The following ADIPOR2 variants were observed in gnomAD, a reference collection of about 807,000 sequenced individuals.
ADIPOR2 encodes the protein adiponectin receptor protein 2.
Under a neutral mutation model 40.9 loss-of-function variants are expected in ADIPOR2, and 18 were observed. The ratio of observed to expected loss-of-function variants is 0.44; its 90% CI spans 0.30 to 0.65. The LOEUF (loss-of-function observed/expected upper bound fraction) is 0.65, where lower values mean the gene tolerates loss of function less well. ADIPOR2 is among the 30% of genes least tolerant of loss of function. ADIPOR2 has a pLI of 0.09. For missense variants in ADIPOR2, 283 were observed against 479.2 expected, an observed-to-expected ratio of 0.59 and a Z score of 3.82; for synonymous variants, 165 against 166.4, an observed-to-expected ratio of 0.99 and a Z score of 0.06.
At chr12:1,718,599 C>T (rs923393198) in intron 1 of ADIPOR2, among the ~76,000 whole-genome samples, 4 of 152,182 alleles carry the variant, frequency 2.6e-5, no homozygotes, top group African/African-American at 9.7e-5. Flanking sequence ...TGAATTTTGA[C>T]AAACATTACT....
intron 2 of ADIPOR2, among the ~76,000 whole-genome samples, chr12:1,765,499 G>T (rs1314434491): frequency 1.3e-5 from 2 of 152,114 alleles, no homozygotes; most frequent in Non-Finnish European, 2.9e-5. Context: ...TGTTATGAGG[G>T]TTTGATTAAT....
chr12:1,693,937 G>A (rs1298968256), intron 1 of ADIPOR2, among the ~76,000 whole-genome samples: 1 of 152,076 alleles, frequency 6.6e-6, no homozygotes, highest in Non-Finnish European at 1.5e-5. Flanking sequence ...CTTATGAACC[G>A]GGTTTTCATG....
At chr12:1,707,323 T>A (rs542875922) in intron 1 of ADIPOR2, among the ~76,000 whole-genome samples, 1 of 152,352 alleles carries the variant, frequency 6.6e-6, no homozygotes, top group East Asian at 1.9e-4. Flanking sequence ...TTGCAGTTTC[T>A]TAATAAGTTA....
rs751403982 is a variant in ADIPOR2 at position 1,777,842 on chromosome 12, C to A, written c.292-12C>A. 6.2e-6 allele frequency: 10 copies of A among 1,602,340 alleles called. No homozygotes were observed. In the South Asian group the frequency reaches 6.7e-5, roughly 11 times the overall value. ...AAAATCACAAAGATGTTTGATAATA[C>A]CTCTCTGCCAGGTATGGGAAGGTCG... On this transcript the variant is annotated splice_polypyrimidine_tract_variant and intron_variant, in intron 3 of 7. Transcript: ENST00000357103.
At chr12:1,745,862 TA>T (rs2094753886) in intron 1 of ADIPOR2, among the ~76,000 whole-genome samples, 1 of 151,278 alleles carries the variant, frequency 6.6e-6, no homozygotes, top group Non-Finnish European at 1.5e-5. Flanking sequence ...AGTACCAGCT[TA>T]TTTTGGTGCA....
intron 2 of ADIPOR2, among the ~76,000 whole-genome samples, chr12:1,768,699 A>G (rs909602575): frequency 5.3e-5 from 8 of 152,180 alleles, no homozygotes; most frequent in Admixed American, 3.3e-4. Context: ...TTCCAAAGGT[A>G]AAGTGTACTC....
intron 1 of ADIPOR2, among the ~76,000 whole-genome samples, chr12:1,718,608 C>T (rs1056076595): frequency 1.3e-5 from 2 of 152,172 alleles, no homozygotes; most frequent in Non-Finnish European, 2.9e-5. Context: ...ACAAACATTA[C>T]TGAAATGGCT....
intron 4 of ADIPOR2, 169 bp from the exon 5 acceptor site, chr12:1,780,282 G>C: frequency 1.7e-6 from 1 of 592,692 alleles, no homozygotes; most frequent in East Asian, 3.3e-5. Flanking sequence ...CAACAATGTT[G>C]GAAGTAAACC....
chr12:1,737,904 T>C (rs2094734329), intron 1 of ADIPOR2, among the ~76,000 whole-genome samples: 1 of 152,162 alleles, frequency 6.6e-6, no homozygotes, highest in African/African-American at 2.4e-5. Context: ...ATGCTTCCAA[T>C]TTAAGATTTT....
chr12:1,757,592 G>A (rs1468158453), intron 2 of ADIPOR2: 9 of 1,177,810 alleles, frequency 7.6e-6, no homozygotes, highest in Admixed American at 5.1e-5. Context: ...GGATGGTGCC[G>A]GGCATCATGA....
intron 1 of ADIPOR2, among the ~76,000 whole-genome samples, chr12:1,729,617 G>GTTTTTTTTTTTTTTTTTTTT: frequency 1.1e-5 from 1 of 88,988 alleles, no homozygotes; most frequent in South Asian, 3.7e-4. Context: ...TCAGCCAGTT[G>GTTTTTTTTTTTTTTTTTTTT]TTTTTTTTTT....
chr12:1,781,280 A>G (rs1862714236), intron 6 of ADIPOR2, among the ~76,000 whole-genome samples: 1 of 152,086 alleles, frequency 6.6e-6, no homozygotes, highest in Admixed American at 6.6e-5. Context: ...TAATTGTCTT[A>G]AAGCATTAGG....
At chr12:1,704,608 A>G (rs11061935) in intron 1 of ADIPOR2, among the ~76,000 whole-genome samples, 19,524 of 152,206 alleles carry the variant, frequency 0.13, 1,613 homozygotes, top group East Asian at 0.28. Flanking sequence ...TCATCCAGCT[A>G]TTATCACATA....
At chr12:1,704,889 A>G (rs2094658966) in intron 1 of ADIPOR2, among the ~76,000 whole-genome samples, 1 of 152,048 alleles carries the variant, frequency 6.6e-6, no homozygotes, top group Non-Finnish European at 1.5e-5. Context: ...CTTATGATTT[A>G]GTAGAATTGA....
At chr12:1,708,687 G>A (rs576252845) in intron 1 of ADIPOR2, among the ~76,000 whole-genome samples, 1 of 151,490 alleles carries the variant, frequency 6.6e-6, no homozygotes, top group Admixed American at 6.6e-5. Context: ...TAAATGAGTG[G>A]GTCTTTTTAT....
At position 1,767,227 on chromosome 12, in the gene ADIPOR2, C is replaced by T. The variant is rs143554458; in HGVS notation, c.172-5615C>T. ...CAGAGGTTGCAGTGAGCCAAGATTGCGCCATCACACTCCAGCCTGGAGGAC... is the reference window on the plus strand; with the variant it reads ...CAGAGGTTGCAGTGAGCCAAGATTGTGCCATCACACTCCAGCCTGGAGGAC... On this transcript the variant is annotated intron_variant, in intron 2 of 7. Coordinates refer to ENST00000357103, the MANE Select transcript of ADIPOR2 (RefSeq NM_024551.3). 2.6e-3 allele frequency among the ~76,000 whole-genome samples: 354 copies of T among 136,920 alleles called. 1 individual carries two copies. Among genetic ancestry groups the T allele is most frequent in the African/African-American group, 9.4e-3 (338 of 35,962 alleles). The allele number at this position is 136,920 out of a possible 152,430, so 89.8% of individuals were successfully genotyped here.
intron 3 of ADIPOR2, among the ~76,000 whole-genome samples, chr12:1,776,254 C>G (rs1209663136): frequency 6.6e-6 from 1 of 152,190 alleles, no homozygotes. Context: ...GAACAAGAAA[C>G]AGGTTGTGGA....
chr12:1,749,047 A>T (rs2094763265), intron 1 of ADIPOR2, among the ~76,000 whole-genome samples: 1 of 152,134 alleles, frequency 6.6e-6, no homozygotes, highest in Admixed American at 6.5e-5. Context: ...TGGGTTCATT[A>T]ATTTGCTGGA....
At position 1,712,775 on chromosome 12, in the gene ADIPOR2, A is replaced by G. The variant is rs549500224; in HGVS notation, c.-87+21584A>G. On this transcript the variant is annotated intron_variant, in intron 1 of 7. Transcript: ENST00000357103. ...CGGCAAAAGCTGGTGATTCCAAGGAACCCCCGCAACTGTTTTAATGTCTTA... is the reference window on the plus strand; with the variant it reads ...CGGCAAAAGCTGGTGATTCCAAGGAGCCCCCGCAACTGTTTTAATGTCTTA... Among the ~76,000 whole-genome samples, 48 of 151,760 alleles carry G rather than the reference A, an allele frequency of 3.2e-4. 1 individual carries two copies. The highest frequency in any genetic ancestry group is 1.2e-3 in the African/African-American group (48 of 41,276).
Sources: gnomAD v4.1 joint callset for allele counts (sites outside exome capture counted in the v4.1 genomes callset) on GRCh38, gnomAD v4.1.1 for gene constraint, MANE v1.5 for transcripts, NCBI Gene and HGNC (gene_info 2026-07-23, HGNC 2026-07-21) for gene names.